The following OPCML variants were observed in gnomAD, a reference collection of about 807,000 sequenced individuals.
OPCML encodes the protein opioid-binding protein/cell adhesion molecule.
A neutral mutation model predicts 37.8 loss-of-function variants in OPCML; 13 were observed. The observed-to-expected ratio is 0.34, with a 90% CI of 0.22 to 0.55. The LOEUF (loss-of-function observed/expected upper bound fraction) is 0.55. Ranked by LOEUF, OPCML falls within the 20% of genes least tolerant of loss-of-function variation. The pLI, the probability that OPCML is intolerant of heterozygous loss-of-function variation, is 0.91. For missense variants in OPCML, 341 were observed against 435.6 expected (o/e 0.78, Z 1.93); for synonymous variants, 176 against 168.8 (o/e 1.04, Z -0.33).
chr11:132,779,164 C>T (rs1176337280), intron 2 of OPCML, among the ~76,000 whole-genome samples: 4 of 151,982 alleles, frequency 2.6e-5, no homozygotes, highest in Non-Finnish European at 5.9e-5. Flanking sequence ...CACAGGGTTT[C>T]GCCATGCTGG....
At chr11:133,458,018 C>A (rs1946711206) in intron 1 of OPCML, among the ~76,000 whole-genome samples, 1 of 151,876 alleles carries the variant, frequency 6.6e-6, no homozygotes, top group Admixed American at 6.6e-5. Flanking sequence ...TGGTGACATG[C>A]ACCTGCAATC....
At chr11:133,075,647 C>T (rs1378926927) in intron 1 of OPCML, among the ~76,000 whole-genome samples, 1 of 152,206 alleles carries the variant, frequency 6.6e-6, no homozygotes, top group African/African-American at 2.4e-5. Flanking sequence ...GATCCATCTA[C>T]TCTGGGGAGA....
At position 132,575,370 on chromosome 11, in the gene OPCML, T is replaced by C. The variant is rs549493088; in HGVS notation, c.380-46184A>G. On this transcript the variant is annotated intron_variant, in intron 3 of 7. Coordinates refer to ENST00000524381, the MANE Select transcript of OPCML (RefSeq NM_001012393.5). ...CTTTGTGTTTTACTATTTATTTTTG[T>C]ACTGATATGCTTTGATTTGTTTCTG... Among the ~76,000 whole-genome samples, 9 of 152,204 alleles carry C rather than the reference T, an allele frequency of 5.9e-5. No individual in the cohort carries two copies. In the South Asian group the frequency reaches 1.7e-3, roughly 28 times the overall value.
intron 2 of OPCML, among the ~76,000 whole-genome samples, chr11:132,855,583 A>G (rs891228874): frequency 1.3e-5 from 2 of 152,182 alleles, no homozygotes; most frequent in Non-Finnish European, 2.9e-5. Flanking sequence ...GCTGGGCCAC[A>G]TGGTAACTCC....
chr11:133,358,490 C>T (rs1011881728), intron 1 of OPCML, among the ~76,000 whole-genome samples: 1 of 152,150 alleles, frequency 6.6e-6, no homozygotes, highest in Non-Finnish European at 1.5e-5. Context: ...TTAGATGATT[C>T]ATTTATTCAA....
rs549215129 is a variant in OPCML, at chr11:133,180,718, G to A, written c.62-237708C>T. 4.5e-4 allele frequency among the ~76,000 whole-genome samples: 68 copies of A among 151,940 alleles called. 1 individual carries two copies. The highest frequency in any genetic ancestry group is 1.6e-3 in the African/African-American group (67 of 41,430). On this transcript the variant is annotated intron_variant, in intron 1 of 7. Coordinates refer to ENST00000524381, the MANE Select transcript of OPCML (RefSeq NM_001012393.5). ...CTGCCTGCAGAATAGGTATGACATC[G>A]CTCGCCCTCATTAAGGCTGTGAAGG...
intron 1 of OPCML, among the ~76,000 whole-genome samples, chr11:133,271,324 G>GCA (rs1053394767): frequency 6.6e-6 from 1 of 152,148 alleles, no homozygotes; most frequent in Non-Finnish European, 1.5e-5. Flanking sequence ...AAGGGATAAA[G>GCA]CACACACACA....
At chr11:132,548,266 G>T (rs1304979580) in intron 3 of OPCML, among the ~76,000 whole-genome samples, 1 of 152,138 alleles carries the variant, frequency 6.6e-6, no homozygotes, top group Non-Finnish European at 1.5e-5. Context: ...AAGAAAGTAG[G>T]CTCTAAAGGA....
intron 2 of OPCML, among the ~76,000 whole-genome samples, chr11:132,665,813 C>T (rs767418220): frequency 1.3e-5 from 2 of 152,048 alleles, no homozygotes; most frequent in Non-Finnish European, 2.9e-5. Flanking sequence ...AAAATAACAA[C>T]AAAAAACATC....
At chr11:133,107,989 T>C (rs763803806) in intron 1 of OPCML, among the ~76,000 whole-genome samples, 7 of 152,126 alleles carry the variant, frequency 4.6e-5, no homozygotes, top group South Asian at 2.1e-4. Context: ...GGAGTGGCTA[T>C]TGGTATGCAG....
intron 3 of OPCML, among the ~76,000 whole-genome samples, chr11:132,595,015 C>A (rs752600234): frequency 6.6e-6 from 1 of 152,136 alleles, no homozygotes; most frequent in Non-Finnish European, 1.5e-5. Context: ...AGTTGTTGGG[C>A]TACATTTTGA....
chr11:132,787,403 A>G (rs1947251645), intron 2 of OPCML, among the ~76,000 whole-genome samples: 1 of 152,204 alleles, frequency 6.6e-6, no homozygotes, highest in East Asian at 1.9e-4. Context: ...GGTTTTAAAC[A>G]AAAAGCACTT....
intron 1 of OPCML, among the ~76,000 whole-genome samples, chr11:133,499,879 T>A (rs1462674615): frequency 0.01 from 1,441 of 143,988 alleles, 30 homozygotes; most frequent in African/African-American, 0.035. Flanking sequence ...TATATATTTT[T>A]TTTTTTTTTT....
Position 133,250,435 on chromosome 11 carries a change from G to A in OPCML, c.61+281829C>T, listed in dbSNP as rs957682279. Among the ~76,000 whole-genome samples the A allele has an allele frequency of 8.3e-5, 12 of 144,188 alleles. No individual in the cohort carries two copies. The South Asian group carries it at 1.2e-3, about 14-fold the overall frequency. 94.6% of individuals were successfully genotyped at this position (144,188 alleles called of 152,430 possible). A position where few individuals can be genotyped will look rare whatever the true frequency, so the allele number is the denominator to read the frequency against. ...GGAAGGAAGGAAGGAAAGAAGGAAG[G>A]AAGGAAGGAATTAAGGAAGGAAGGA... On this transcript the variant is annotated intron_variant, in intron 1 of 7. Transcript: ENST00000524381.
intron 2 of OPCML, among the ~76,000 whole-genome samples, chr11:132,903,535 T>A (rs1258805488): frequency 1.3e-5 from 2 of 152,194 alleles, no homozygotes; most frequent in African/African-American, 4.8e-5. Flanking sequence ...GAATTGGGCG[T>A]TGGACATGCC....
chr11:132,432,106 T>C (rs1242734150), intron 7 of OPCML, among the ~76,000 whole-genome samples: 7 of 152,202 alleles, frequency 4.6e-5, no homozygotes, highest in Admixed American at 4.6e-4. Context: ...TGGGAGTATA[T>C]AGCCTCAAAT....
At chr11:133,064,199 C>T (rs1469533508) in intron 1 of OPCML, among the ~76,000 whole-genome samples, 1 of 152,150 alleles carries the variant, frequency 6.6e-6, no homozygotes, top group Non-Finnish European at 1.5e-5. Context: ...GAGAGGAACG[C>T]CGGCCCACTA....
At chr11:132,442,035 C>T (rs1015292062) in intron 4 of OPCML, among the ~76,000 whole-genome samples, 3 of 152,198 alleles carry the variant, frequency 2.0e-5, no homozygotes, top group African/African-American at 7.2e-5. Flanking sequence ...TGGCTCTGAC[C>T]TCACTGCACT....
chr11:133,263,880 G>A (rs1242724610), intron 1 of OPCML, among the ~76,000 whole-genome samples: 1 of 152,142 alleles, frequency 6.6e-6, no homozygotes, highest in Non-Finnish European at 1.5e-5. Flanking sequence ...AGCTAAACGT[G>A]GAGTTATTTT....
Sources: allele counts gnomAD v4.1 joint callset (sites outside exome capture counted in the v4.1 genomes callset), GRCh38; gene constraint gnomAD v4.1.1; transcripts MANE v1.5; gene names NCBI Gene and HGNC (gene_info 2026-07-23, HGNC 2026-07-21).